Variants in FNTA observed in about 807,000 individuals in gnomAD.
FNTA encodes protein farnesyltransferase/geranylgeranyltransferase type-1 subunit alpha.
A neutral mutation model predicts 55.2 loss-of-function variants in FNTA; 27 were observed. The observed-to-expected ratio is 0.49, with a 90% CI of 0.36 to 0.67. FNTA has a LOEUF of 0.67. Among genes scored for constraint, FNTA ranks in the 30% least tolerant of loss-of-function variants. The probability of loss-of-function intolerance (pLI) is 0.00; values close to 1 mark genes in which losing one functional copy is unlikely to be tolerated. For missense variants in FNTA, 422 were observed against 464.7 expected, an observed-to-expected ratio of 0.91 and a Z score of 0.85; for synonymous variants, 176 against 170.7, an observed-to-expected ratio of 1.03 and a Z score of -0.24.
intron 6 of FNTA, 129 bp downstream of exon 6, chr8:43,077,493 G>C: frequency 1.9e-6 from 1 of 535,746 alleles, no homozygotes; most frequent in East Asian, 3.1e-5. Flanking sequence ...GTACTGAGTG[G>C]AACATAGGAT....
At chr8:43,065,527 G>A (rs1252021431) in intron 3 of FNTA, among the ~76,000 whole-genome samples, 3 of 152,252 alleles carry the variant, frequency 2.0e-5, no homozygotes, top group South Asian at 4.1e-4. Context: ...GATTATAGGC[G>A]TGAGCCACTG....
intron 3 of FNTA, among the ~76,000 whole-genome samples, chr8:43,065,939 C>T (rs1348046406): frequency 1.3e-5 from 2 of 151,252 alleles, no homozygotes; most frequent in Non-Finnish European, 2.9e-5. Flanking sequence ...AATTTTAAAA[C>T]TCTTTTTCTG....
rs763748262 is a variant in FNTA, at chr8:43,077,186, T to G, written c.634-30T>G. 6.0e-6 allele frequency: 9 copies of G among 1,501,814 alleles called. No homozygotes were observed. In the South Asian group the frequency reaches 1.1e-4, roughly 19 times the overall value. 93.0% of individuals were successfully genotyped at this position (1,501,814 alleles called of 1,614,324 possible). ...TTCATAAATAATGGGACATTTCTAA[T>G]TGGATGATTTTTCTAAATTTTTCCT... On this transcript the variant is annotated intron_variant, in intron 5 of 8. Transcript: ENST00000302279.
At chr8:43,067,645 A>C (rs893085760) in intron 3 of FNTA, among the ~76,000 whole-genome samples, 5 of 144,064 alleles carry the variant, frequency 3.5e-5, no homozygotes, top group Admixed American at 3.4e-4. Flanking sequence ...TGGGAAGTCT[A>C]CTTTTTTTTT....
At chr8:43,077,724 T>C (rs1322594567) in intron 6 of FNTA, 2 of 158,598 alleles carry the variant, frequency 1.3e-5, no homozygotes, top group Non-Finnish European at 2.8e-5. Context: ...GTTTTTGTTG[T>C]AGGTGGCTAT....
chr8:43,070,573 A>C (rs1036698947), intron 4 of FNTA, among the ~76,000 whole-genome samples: 3 of 152,172 alleles, frequency 2.0e-5, no homozygotes, highest in African/African-American at 7.2e-5. Flanking sequence ...GCTAAAGAGA[A>C]ATTGCTTTTC....
At position 43,061,332 on chromosome 8, in the gene FNTA, C is replaced by T. The variant is rs562711807; in HGVS notation, c.286+2155C>T. 2.0e-5 allele frequency among the ~76,000 whole-genome samples: 3 copies of T among 152,314 alleles called. No individual in the cohort carries two copies. In the East Asian group the frequency reaches 5.8e-4, roughly 29 times the overall value. ...CCAGACCATCTGGTTCAAATTCTAACTTCACATTTTACTGACTGTGTAATC... is the reference window on the plus strand; with the variant it reads ...CCAGACCATCTGGTTCAAATTCTAATTTCACATTTTACTGACTGTGTAATC... On this transcript the variant is annotated intron_variant, in intron 2 of 8. Transcript: ENST00000302279.
chr8:43,061,998 C>A (rs532119820), intron 2 of FNTA, among the ~76,000 whole-genome samples: 1 of 152,020 alleles, frequency 6.6e-6, no homozygotes, highest in Non-Finnish European at 1.5e-5. Context: ...GGATTACAAG[C>A]GTGAGCTACC....
intron 3 of FNTA, among the ~76,000 whole-genome samples, chr8:43,064,467 C>T (rs965600002): frequency 6.6e-6 from 1 of 151,986 alleles, no homozygotes; most frequent in African/African-American, 2.4e-5. Context: ...CGCCCACCAC[C>T]ACGCCCAGCT....
At chr8:43,075,526 T>C (rs916997558) in intron 5 of FNTA, among the ~76,000 whole-genome samples, 2 of 152,082 alleles carry the variant, frequency 1.3e-5, no homozygotes, top group Admixed American at 1.3e-4. Flanking sequence ...ATATAAAAAA[T>C]TTATATTGCC....
chr8:43,071,790 T>A (rs561899190), intron 4 of FNTA, among the ~76,000 whole-genome samples: 61 of 152,048 alleles, frequency 4.0e-4, no homozygotes, highest in Non-Finnish European at 5.7e-4. Flanking sequence ...TTCTGCCCAC[T>A]CATTTGTAGA....
chr8:43,063,875 A>G (rs1396910217), intron 2 of FNTA, among the ~76,000 whole-genome samples: 2 of 152,252 alleles, frequency 1.3e-5, no homozygotes, highest in African/African-American at 2.4e-5. Context: ...TCATGCACAC[A>G]CGTAAGCAGT....
chr8:43,077,340 G>A lies in FNTA; in HGVS notation c.758G>A (p.Arg253His), dbSNP rs563410957. 4.8e-5 allele frequency: 78 copies of A among 1,612,484 alleles called. No individual in the cohort carries two copies. The highest frequency in any genetic ancestry group is 6.0e-5 in the Non-Finnish European group (71 of 1,179,160). ...TCTAACACCACTGGCTACAATGATC[G>A]TGCTGTATTGGAGAGAGAAGTCCAG... ...VISNTTGYND[R>H]AVLEREVQYT... The change falls in exon 6 of 9, where the codon CGT becomes CAT. Residue 253 changes from arginine to histidine, a missense_variant. Around this residue, in one of 2 missense-constraint regions of FNTA, gnomAD observed 262 missense variants for 343.1 expected, o/e 0.76. Transcript: ENST00000302279.
At chr8:43,074,426 G>T (rs1810862104) in intron 5 of FNTA, among the ~76,000 whole-genome samples, 1 of 152,194 alleles carries the variant, frequency 6.6e-6, no homozygotes, top group African/African-American at 2.4e-5. Flanking sequence ...TCAGGAGGCT[G>T]AGGCAGGAGA....
At chr8:43,072,866 G>A (rs1239632581) in intron 5 of FNTA, among the ~76,000 whole-genome samples, 2 of 152,096 alleles carry the variant, frequency 1.3e-5, no homozygotes, top group Non-Finnish European at 2.9e-5. Flanking sequence ...AGCAAATTGA[G>A]TATAAAGAGT....
In FNTA at chr8:43,077,335, T is replaced by TGATC. The variant is rs755830989; in HGVS notation, c.755_758dup (p.Ala254SerfsTer16). 6.2e-7 allele frequency: 1 copy of TGATC among 1,613,008 alleles called. No homozygotes were observed. The highest frequency in any genetic ancestry group is 2.2e-5 in the East Asian group (1 of 44,838). ...TTATTTCTAACACCACTGGCTACAATGATCGTGCTGTATTGGAGAGAGAAG... is the reference window on the plus strand; with the variant it reads ...TTATTTCTAACACCACTGGCTACAATGATCGATCGTGCTGTATTGGAGAGAGAAG... On this transcript the variant is annotated frameshift_variant, in exon 6 of 9. Transcript: ENST00000302279. LOFTEE classifies it high-confidence loss of function.
intron 2 of FNTA, among the ~76,000 whole-genome samples, chr8:43,061,084 A>C (rs1810519259): frequency 6.6e-6 from 1 of 152,208 alleles, no homozygotes; most frequent in African/African-American, 2.4e-5. Flanking sequence ...AACTGTCTTG[A>C]TATTATATTA....
intron 3 of FNTA, among the ~76,000 whole-genome samples, chr8:43,065,063 T>C (rs1810622571): frequency 6.6e-6 from 1 of 151,866 alleles, no homozygotes. Context: ...CTCGATCTCC[T>C]GACCTCGTGA....
chr8:43,060,211 A>G (rs774454216), intron 2 of FNTA, among the ~76,000 whole-genome samples: 4 of 152,226 alleles, frequency 2.6e-5, no homozygotes, highest in Non-Finnish European at 4.4e-5. Context: ...TGAAGAGACA[A>G]TTCACAAAAT....
Sources: gnomAD v4.1 joint callset for allele counts (sites outside exome capture counted in the v4.1 genomes callset) on GRCh38, gnomAD v4.1.1 for gene constraint, gnomAD v4.1.1 regional missense constraint, MANE v1.5 for transcripts, NCBI Gene and HGNC (gene_info 2026-07-23, HGNC 2026-07-21) for gene names.